ZNF107: variants seen among roughly 807,000 people sequenced by gnomAD.
ZNF107 encodes zinc finger protein 107.
Under a neutral mutation model 12.3 loss-of-function variants are expected in ZNF107, and 19 were observed. That is an observed-to-expected ratio of 1.55 (90% CI 1.08 to 2.27). The LOEUF (loss-of-function observed/expected upper bound fraction) is 2.27. ZNF107 is among the 30% of genes most tolerant of loss of function. ZNF107 has a pLI of 0.00. For synonymous variants in ZNF107, 317 were observed against 330.5 expected (o/e 0.96, Z 0.44); for missense variants, 958 against 979.9 (o/e 0.98, Z 0.30).
At chr7:64,666,507 T>A (rs533033330) in intron 1 of ZNF107, among the ~76,000 whole-genome samples, 21 of 152,278 alleles carry the variant, frequency 1.4e-4, no homozygotes, top group African/African-American at 4.8e-4. Flanking sequence ...GCCGGGACCC[T>A]GGGCGTCCTG....
In ZNF107 at chr7:64,706,731, T is replaced by G. The variant is rs529948635; in HGVS notation, c.634T>G (p.Trp212Gly). ...KCEECGKAFN[W>G]FSTLTKHKRI... is the part of the protein sequence containing the mutation. Reference sequence around the variant, plus strand: ...TGAAGAATGTGGAAAAGCCTTTAACTGGTTCTCAACTCTTACTAAACATAA... The same window carrying G: ...TGAAGAATGTGGAAAAGCCTTTAACGGGTTCTCAACTCTTACTAAACATAA... Residue 212 changes from tryptophan (W) to glycine (G), a missense_variant, in exon 4 of 4, where the codon TGG becomes GGG. By Grantham distance (184) the Trp-to-Gly change is radical (BLOSUM62 -2). Transcript: ENST00000620827. The G allele has an allele frequency of 3.1e-6, 5 of 1,612,474 alleles. No individual in the cohort carries two copies. The African/African-American group carries it at 5.3e-5, about 17-fold the overall frequency.
intron 1 of ZNF107, among the ~76,000 whole-genome samples, chr7:64,690,929 C>T (rs1242637792): frequency 1.3e-5 from 2 of 152,164 alleles, no homozygotes; most frequent in African/African-American, 2.4e-5. Context: ...TTAGTAGAGA[C>T]GGGGTTTCAC....
chr7:64,700,248 T>C (rs1415642990), intron 3 of ZNF107, among the ~76,000 whole-genome samples: 3 of 152,124 alleles, frequency 2.0e-5, no homozygotes, highest in Non-Finnish European at 2.9e-5. Context: ...TGGGGCCAAC[T>C]TCCTCGTGAA....
At position 64,676,054 on chromosome 7, in the gene ZNF107, G is replaced by C. The variant is rs1189457858; in HGVS notation, c.3+9769G>C. On this transcript the variant is annotated intron_variant, in intron 1 of 3. Transcript: ENST00000620827. ...TTTAATAGAGGCAGGGTTTCACCAT[G>C]TTGGTCAGGCTGGTCTCAAACTCCT... Among the ~76,000 whole-genome samples, 4 of 152,178 alleles carry C rather than the reference G, an allele frequency of 2.6e-5. No individual in the cohort carries two copies. The East Asian group carries it at 7.7e-4, about 29-fold the overall frequency.
intron 1 of ZNF107, among the ~76,000 whole-genome samples, chr7:64,666,741 G>A (rs1181759272): frequency 6.6e-6 from 1 of 152,186 alleles, no homozygotes; most frequent in Non-Finnish European, 1.5e-5. Context: ...CCACAAAAAT[G>A]TTAAAGAATT....
intron 1 of ZNF107, among the ~76,000 whole-genome samples, chr7:64,681,587 T>A (rs1486144487): frequency 6.6e-6 from 1 of 151,818 alleles, no homozygotes; most frequent in African/African-American, 2.4e-5. Context: ...CATCTCTCCC[T>A]CCCTTGCTAC....
intron 1 of ZNF107, among the ~76,000 whole-genome samples, chr7:64,676,975 A>G (rs1789435871): frequency 6.6e-6 from 1 of 152,078 alleles, no homozygotes; most frequent in Non-Finnish European, 1.5e-5. Flanking sequence ...GAATGACTGT[A>G]TTTTTCTATC....
chr7:64,691,735 G>T, intron 2 of ZNF107, 130 bp from the exon 3 acceptor site: 1 of 404,348 alleles, frequency 2.5e-6, no homozygotes, highest in Non-Finnish European at 3.6e-6. Flanking sequence ...AATATTTTCT[G>T]AATATTTAGA....
intron 1 of ZNF107, among the ~76,000 whole-genome samples, chr7:64,672,427 G>T (rs1789267748): frequency 6.6e-6 from 1 of 152,060 alleles, no homozygotes; most frequent in South Asian, 2.1e-4. Flanking sequence ...TGTGATCTTG[G>T]CTCACTGCAG....
chr7:64,700,506 C>CTTTT (rs141980471), intron 3 of ZNF107, among the ~76,000 whole-genome samples: 2,798 of 66,278 alleles, frequency 0.042, 565 homozygotes, highest in South Asian at 0.065. Flanking sequence ...CCAAATAAAC[C>CTTTT]TTTTTTTTTT....
intron 1 of ZNF107, among the ~76,000 whole-genome samples, 166 bp from the exon 2 acceptor site, chr7:64,691,082 C>T (rs1262940349): frequency 6.6e-6 from 1 of 152,068 alleles, no homozygotes; most frequent in Non-Finnish European, 1.5e-5. Context: ...CCATGTTGGC[C>T]AGGATGGTCT....
intron 1 of ZNF107, among the ~76,000 whole-genome samples, chr7:64,675,496 T>G (rs1789383893): frequency 6.6e-6 from 1 of 152,190 alleles, no homozygotes; most frequent in African/African-American, 2.4e-5. Context: ...GTCTTTGTCA[T>G]GAATCTAACT....
intron 3 of ZNF107, among the ~76,000 whole-genome samples, chr7:64,692,338 T>C (rs2128963124): frequency 6.6e-6 from 1 of 152,304 alleles, no homozygotes; most frequent in East Asian, 1.9e-4. Context: ...ATCTGAAATG[T>C]GTGAGTAGTG....
Position 64,709,999 on chromosome 7 carries a change from G to T in ZNF107, c.*1343G>T, listed in dbSNP as rs919084374. ...AAAAATTAGCTGCGTGTGGTGGCAGGCCCCTGTAATCCCAGCTAATTGGGA... is the reference window on the plus strand; with the variant it reads ...AAAAATTAGCTGCGTGTGGTGGCAGTCCCCTGTAATCCCAGCTAATTGGGA... On this transcript the variant is annotated 3_prime_UTR_variant, in exon 4 of 4. Coordinates refer to ENST00000620827, the MANE Select transcript of ZNF107 (RefSeq NM_001282359.2). The T allele has an allele frequency of 1.6e-5, 4 of 243,568 alleles. No homozygotes were observed. Among genetic ancestry groups the T allele is most frequent in the South Asian group, 1.3e-4 (3 of 23,314 alleles). The allele number at this position is 243,568 out of a possible 1,614,324, so 15.1% of individuals were successfully genotyped here. A position where few individuals can be genotyped will look rare whatever the true frequency, so the allele number is the denominator to read the frequency against.
chr7:64,692,663 T>A (rs923967167), intron 3 of ZNF107, among the ~76,000 whole-genome samples: 1 of 152,152 alleles, frequency 6.6e-6, no homozygotes, highest in Non-Finnish European at 1.5e-5. Context: ...ATAAAATATT[T>A]TAAAATTTAT....
chr7:64,708,649 A>C lies in ZNF107; in HGVS notation c.2552A>C (p.Lys851Thr). The change falls in exon 4 of 4, where the codon AAA (lysine) becomes ACA (threonine). Residue 851 changes from lysine to threonine, a missense_variant. Coordinates refer to ENST00000620827, the MANE Select transcript of ZNF107 (RefSeq NM_001282359.2). ...AAACCCTACAAATGTGAGTATGGCA[A>C]AACTTAATTGATCCTACAAGCTTAC... ...GEKPYKCEYGKT is the reference protein window; with the variant it reads ...GEKPYKCEYGTT The C allele has an allele frequency of 6.3e-7, 1 of 1,592,636 alleles. No homozygotes were observed. The highest frequency in any genetic ancestry group is 8.6e-7 in the Non-Finnish European group (1 of 1,169,486).
chr7:64,707,957 C>A lies in ZNF107; in HGVS notation c.1860C>A (p.Pro620=). ...AAATTATTCATACTGGAGAGAAACC[C>A]TACAAATGTGAAGAACATGGCAAAG... ...IHKIIHTGEK[P]YKCEEHGKVF... The change falls in exon 4 of 4, where the codon CCC becomes CCA. Residue 620 remains proline, a synonymous_variant. Transcript: ENST00000620827. The A allele has an allele frequency of 3.1e-6, 5 of 1,613,330 alleles. No individual in the cohort carries two copies. Among genetic ancestry groups the A allele is most frequent in the Non-Finnish European group, 4.2e-6 (5 of 1,179,654 alleles).
Position 64,708,757 on chromosome 7 carries a change from T to G in ZNF107, c.*101T>G, listed in dbSNP as rs1790789137. 8.4e-7 allele frequency: 1 copy of G among 1,187,140 alleles called. No homozygotes were observed. Among genetic ancestry groups the G allele is most frequent in the Non-Finnish European group, 1.2e-6 (1 of 855,748 alleles). The allele number at this position is 1,187,140 out of a possible 1,614,324, so 73.5% of individuals were successfully genotyped here. ...CCTTTAACAAGTCTTCAACTTTTTCTGCACACACGAGGTATTTTATACTGG... is the reference window on the plus strand; with the variant it reads ...CCTTTAACAAGTCTTCAACTTTTTCGGCACACACGAGGTATTTTATACTGG... On this transcript the variant is annotated 3_prime_UTR_variant, in exon 4 of 4. Transcript: ENST00000620827.
intron 3 of ZNF107, among the ~76,000 whole-genome samples, chr7:64,700,419 C>T (rs961163242): frequency 4.7e-5 from 7 of 150,134 alleles, no homozygotes; most frequent in Non-Finnish European, 8.9e-5. Flanking sequence ...CCACCATGAT[C>T]GTAAGCTTCC....
Sources: gnomAD v4.1 joint callset for allele counts (sites outside exome capture counted in the v4.1 genomes callset) on GRCh38, gnomAD v4.1.1 for gene constraint, MANE v1.5 for transcripts, NCBI Gene and HGNC (gene_info 2026-07-23, HGNC 2026-07-21) for gene names.